The following PDE1B variants were observed in gnomAD, a reference collection of about 807,000 sequenced individuals.
PDE1B encodes dual specificity calcium/calmodulin-dependent 3',5'-cyclic nucleotide phosphodiesterase 1B.
PDE1B carries 13 observed loss-of-function variants against 66.7 expected under a neutral mutation model. The ratio of observed to expected loss-of-function variants is 0.19; its 90% CI spans 0.13 to 0.31. The LOEUF (loss-of-function observed/expected upper bound fraction) is 0.31. Among genes scored for constraint, PDE1B ranks in the 10% least tolerant of loss-of-function variants. The pLI is 1.00. For missense variants in PDE1B, 485 were observed against 682.3 expected (o/e 0.71, Z 3.22); for synonymous variants, 230 against 253.9 (o/e 0.91, Z 0.90).
At chr12:54,550,229 GACCCCAGGCTGAC>G in intron 2 of PDE1B, 1 of 1,363,582 alleles carries the variant, frequency 7.3e-7, no homozygotes, top group Non-Finnish European at 9.5e-7. Context: ...TGTGCCTGTG[GACCCCAGGCTGAC>G]ACACGCAGCG....
intron 6 of PDE1B, 129 bp from the exon 7 acceptor site, chr12:54,572,472 A>C: frequency 1.2e-6 from 1 of 864,290 alleles, no homozygotes; most frequent in East Asian, 2.4e-5. Flanking sequence ...AGCCAGGTTC[A>C]CCTAACTAGG....
At chr12:54,576,775 C>G in intron 14 of PDE1B, 74 bp downstream of exon 14, 4 of 1,482,988 alleles carry the variant, frequency 2.7e-6, no homozygotes, top group Non-Finnish European at 3.7e-6. Context: ...GTCCATTTTT[C>G]TTAAGCCCCT....
At chr12:54,562,032 T>C (rs1172744337) in intron 2 of PDE1B, among the ~76,000 whole-genome samples, 1 of 152,194 alleles carries the variant, frequency 6.6e-6, no homozygotes, top group Non-Finnish European at 1.5e-5. Context: ...ATCCCCTATC[T>C]TATTCTAAAG....
intron 2 of PDE1B, among the ~76,000 whole-genome samples, chr12:54,553,958 C>G (rs1451272762): frequency 6.6e-6 from 1 of 152,116 alleles, no homozygotes; most frequent in East Asian, 1.9e-4. Flanking sequence ...GAAGATGTGT[C>G]TGTTTTTATA....
intron 2 of PDE1B, among the ~76,000 whole-genome samples, chr12:54,555,254 T>G (rs1380729765): frequency 1.3e-5 from 2 of 152,200 alleles, no homozygotes; most frequent in African/African-American, 4.8e-5. Context: ...TCTATGAACA[T>G]TGGGGAATTC....
chr12:54,562,598 G>A (rs1343147165), intron 2 of PDE1B, among the ~76,000 whole-genome samples: 1 of 152,204 alleles, frequency 6.6e-6, no homozygotes, highest in Non-Finnish European at 1.5e-5. Flanking sequence ...GGGATAGAAG[G>A]ACTTCCTGCA....
rs896225208 is a variant in PDE1B, at chr12:54,579,131, T to C, written c.*1289T>C. On this transcript the variant is annotated 3_prime_UTR_variant, in exon 16 of 16. Coordinates refer to ENST00000243052, the MANE Select transcript of PDE1B (RefSeq NM_000924.4). ...TCTCCTAGACCTGCTACCCTGGTAC[T>C]TCCACCCTACCCCACCCCGAGAAGG... 10 of 452,210 alleles carry C rather than the reference T, an allele frequency of 2.2e-5. No individual in the cohort carries two copies. Among genetic ancestry groups the C allele is most frequent in the Non-Finnish European group, 2.9e-5 (10 of 343,058 alleles). The allele number at this position is 452,210 out of a possible 1,614,324, so 28.0% of individuals were successfully genotyped here.
chr12:54,577,088 T>C, intron 14 of PDE1B, 137 bp from the exon 15 acceptor site: 1 of 761,080 alleles, frequency 1.3e-6, no homozygotes, highest in Non-Finnish European at 2.2e-6. Flanking sequence ...TCTTCCCAAG[T>C]GGGGATGGGT....
At position 54,569,583 on chromosome 12, in the gene PDE1B, T is replaced by C; in HGVS notation, c.448T>C (p.Tyr150His). ...AACATACACCTCTGTGGGCCCCACT[T>C]ACTCTACTGCGGTTCTCAACTGTCT... Reference protein sequence around the residue: ...RRTYTSVGPTYSTAVLNCLKN... With the variant: ...RRTYTSVGPTHSTAVLNCLKN... Residue 150 changes from tyrosine to histidine, a missense_variant, in exon 5 of 16, where the codon TAC (tyrosine) becomes CAC (histidine). Around this residue, in one of 4 missense-constraint regions of PDE1B, gnomAD observed 282 missense variants for 453.4 expected, o/e 0.62. Coordinates refer to ENST00000243052, the MANE Select transcript of PDE1B (RefSeq NM_000924.4). The surrounding 1 kb of genome is among the most constrained non-coding windows in gnomAD (Gnocchi z 4.4). 1.9e-6 allele frequency: 3 copies of C among 1,613,874 alleles called. No individual in the cohort carries two copies. The highest frequency in any genetic ancestry group is 2.5e-6 in the Non-Finnish European group (3 of 1,179,698).
chr12:54,573,444 T>C lies in PDE1B; in HGVS notation c.926T>C (p.Met309Thr). 3 of 1,614,054 alleles carry C rather than the reference T, an allele frequency of 1.9e-6. No individual in the cohort carries two copies. The highest frequency in any genetic ancestry group is 2.5e-6 in the Non-Finnish European group (3 of 1,179,920). The change falls in exon 9 of 16, where the codon ATG (methionine) becomes ACG (threonine). Residue 309 changes from methionine (M) to threonine (T), a missense_variant. Met to Thr is a moderately conservative substitution (Grantham distance 81). Coordinates refer to ENST00000243052, the MANE Select transcript of PDE1B (RefSeq NM_000924.4). This position sits in a 1 kb window ranked among gnomAD's most constrained non-coding sequence, Gnocchi z 5.2. ...SVFRLMQDDE[M>T]NIFINLTKDE... ...TTCCGATTGATGCAGGATGATGAGA[T>C]GAACATTTTCATCAACCTCACCAAG...
At chr12:54,568,810 C>T (rs975629000) in intron 3 of PDE1B, among the ~76,000 whole-genome samples, 1 of 152,112 alleles carries the variant, frequency 6.6e-6, no homozygotes, top group African/African-American at 2.4e-5. Context: ...AAAAAATTAT[C>T]ATTAAAGTCA....
At chr12:54,557,769 G>A (rs1277812652) in intron 2 of PDE1B, among the ~76,000 whole-genome samples, 1 of 152,184 alleles carries the variant, frequency 6.6e-6, no homozygotes, top group East Asian at 1.9e-4. Context: ...TTGGAGGGCT[G>A]GTGGGGTGGT....
At chr12:54,550,286 G>A in intron 2 of PDE1B, 1 of 1,194,202 alleles carries the variant, frequency 8.4e-7, no homozygotes, top group Non-Finnish European at 1.1e-6. Flanking sequence ...AGTGTGGCAG[G>A]GCTGCAGGAG....
At chr12:54,574,833 T>G in intron 10 of PDE1B, 1 of 238,350 alleles carries the variant, frequency 4.2e-6, no homozygotes, top group Non-Finnish European at 8.1e-6. Context: ...ATTAGCTGGG[T>G]GTGGTGGCAT....
At chr12:54,554,709 G>C (rs1470339592) in intron 2 of PDE1B, among the ~76,000 whole-genome samples, 1 of 152,130 alleles carries the variant, frequency 6.6e-6, no homozygotes, top group African/African-American at 2.4e-5. Flanking sequence ...GTAGTGGAAG[G>C]GCATGGGGAA....
chr12:54,560,842 C>T (rs1957398350), intron 2 of PDE1B, among the ~76,000 whole-genome samples: 1 of 152,188 alleles, frequency 6.6e-6, no homozygotes, highest in Admixed American at 6.5e-5. Flanking sequence ...AAAACTGGGG[C>T]TGGGGGTGTT....
rs1957583425 is a variant in PDE1B at position 54,569,706 on chromosome 12, CCTTT to C, written c.477+95_477+98del. 6.1e-6 allele frequency: 5 copies of C among 824,076 alleles called. No individual in the cohort carries two copies. The highest frequency in any genetic ancestry group is 9.9e-6 in the Non-Finnish European group (5 of 504,760). The allele number at this position is 824,076 out of a possible 1,614,324, so 51.0% of individuals were successfully genotyped here. Reference sequence around the variant, plus strand: ...CTGTTTATGGCATTATTTTTGCCTTCCTTTTTTTTTTTTGAAATGGAGTCTCGCT... The same window carrying C: ...CTGTTTATGGCATTATTTTTGCCTTCTTTTTTTTTGAAATGGAGTCTCGCT... On this transcript the variant is annotated intron_variant, in intron 5 of 15. Transcript: ENST00000243052. The surrounding 1 kb of genome is among the most constrained non-coding windows in gnomAD (Gnocchi z 4.4).
rs1374561813 is a variant in PDE1B, at chr12:54,577,859, G to C, written c.*18-1G>C. The C allele has an allele frequency of 7.3e-6, 2 of 273,420 alleles. No homozygotes were observed. The highest frequency in any genetic ancestry group is 1.4e-5 in the Non-Finnish European group (2 of 146,720). The allele number at this position is 273,420 out of a possible 1,614,324, so 16.9% of individuals were successfully genotyped here. A position where few individuals can be genotyped will look rare whatever the true frequency, so the allele number is the denominator to read the frequency against. On this transcript the variant is annotated splice_acceptor_variant, in intron 15 of 15. Transcript: ENST00000243052. LOFTEE classifies it low-confidence loss of function (3UTR_SPLICE). ...ACTGAAGTTTCTCCCTCTTTCCCCA[G>C]GTCTTCATTGAGTCCAAAGTGTTTG...
In PDE1B at chr12:54,560,232, C is replaced by T. The variant is rs544714655; in HGVS notation, c.114-6742C>T. Among the ~76,000 whole-genome samples, 22 of 152,294 alleles carry T rather than the reference C, an allele frequency of 1.4e-4. No homozygotes were observed. The South Asian group carries it at 4.6e-3, about 32-fold the overall frequency. Reference sequence around the variant, plus strand: ...AACTGAGAAACAGCAGGTTCCCAAACTTCATTTATTTCTGATTCTTCAAGG... The same window carrying T: ...AACTGAGAAACAGCAGGTTCCCAAATTTCATTTATTTCTGATTCTTCAAGG... On this transcript the variant is annotated intron_variant, in intron 2 of 15. Coordinates refer to ENST00000243052, the MANE Select transcript of PDE1B (RefSeq NM_000924.4).
Sources: allele counts gnomAD v4.1 joint callset (sites outside exome capture counted in the v4.1 genomes callset), GRCh38; gene constraint gnomAD v4.1.1; regional missense constraint gnomAD v4.1.1; non-coding constraint Gnocchi (gnomAD v3.1); transcripts MANE v1.5; gene names NCBI Gene and HGNC (gene_info 2026-07-23, HGNC 2026-07-21).